Variants in TIAM1 observed in about 807,000 individuals in gnomAD.
TIAM1 encodes the protein rho guanine nucleotide exchange factor TIAM1.
TIAM1 carries 65 observed loss-of-function variants against 163.5 expected under a neutral mutation model. The ratio of observed to expected loss-of-function variants is 0.40; its 90% CI spans 0.33 to 0.49. The LOEUF is 0.49. TIAM1 is among the 20% of genes least tolerant of loss of function. The probability of loss-of-function intolerance (pLI) is 0.77; values close to 1 mark genes in which losing one functional copy is unlikely to be tolerated. For missense variants in TIAM1, 1,789 were observed against 2,044.7 expected (o/e 0.87, Z 2.41); for synonymous variants, 833 against 810.1 (o/e 1.03, Z -0.48).
Position 31,120,271 on chromosome 21 carries a change from G to T in TIAM1, c.*97C>A. 1 of 1,274,152 alleles carries T rather than the reference G, an allele frequency of 7.8e-7. No individual in the cohort carries two copies. The highest frequency in any genetic ancestry group is 1.5e-5 in the African/African-American group (1 of 66,798). The allele number at this position is 1,274,152 out of a possible 1,614,324, so 78.9% of individuals were successfully genotyped here. A position where few individuals can be genotyped will look rare whatever the true frequency, so the allele number is the denominator to read the frequency against. On this transcript the variant is annotated 3_prime_UTR_variant, in exon 28 of 28. Transcript: ENST00000541036. The surrounding 1 kb of genome is among the most constrained non-coding windows in gnomAD (Gnocchi z 4.2). Reference sequence around the variant, plus strand: ...CTGCCAAAACCGTGTGTGCAAGAGCGCGACCTAAGGGGACATTCTTGTCGA... The same window carrying T: ...CTGCCAAAACCGTGTGTGCAAGAGCTCGACCTAAGGGGACATTCTTGTCGA...
At chr21:31,470,794 C>A (rs764532937) in intron 1 of TIAM1, among the ~76,000 whole-genome samples, 1 of 152,336 alleles carries the variant, frequency 6.6e-6, no homozygotes, top group African/African-American at 2.4e-5. Context: ...CAGCCACTGT[C>A]TCCCCAGGAG....
chr21:31,160,502 C>A, intron 16 of TIAM1: 1 of 398,664 alleles, frequency 2.5e-6, no homozygotes, highest in Non-Finnish European at 4.4e-6. Context: ...CAATCCTGGG[C>A]TTGCGCTTTA....
chr21:31,152,042 TTTTTTG>T (rs748115340), intron 19 of TIAM1, among the ~76,000 whole-genome samples: 1,943 of 80,948 alleles, frequency 0.024, 103 homozygotes, highest in African/African-American at 0.087. Context: ...TTTTTTTTTT[TTTTTTG>T]TAAGACGGAG....
chr21:31,172,010 C>A lies in TIAM1; in HGVS notation c.2888-6945G>T, dbSNP rs1049766487. Among the ~76,000 whole-genome samples, 12 of 152,318 alleles carry A rather than the reference C, an allele frequency of 7.9e-5. No homozygotes were observed. The South Asian group carries it at 2.5e-3, about 32-fold the overall frequency. On this transcript the variant is annotated intron_variant, in intron 15 of 27. Coordinates refer to ENST00000541036, the MANE Select transcript of TIAM1 (RefSeq NM_001353694.2). The stretch of plus-strand genomic sequence containing the variant: ...TAGCAGAACAACCAACCAGCTGAGT[C>A]TGGCCCAAACTGCTGAGCCACAGAA...
rs1360927752 is a variant in TIAM1 at position 31,187,041 on chromosome 21, G to A, written c.2622C>T (p.Tyr874=). 2.0e-5 allele frequency: 32 copies of A among 1,613,860 alleles called. No individual in the cohort carries two copies. Among genetic ancestry groups the A allele is most frequent in the Admixed American group, 3.3e-5 (2 of 59,984 alleles). The change falls in exon 14 of 28, where the codon TAC becomes TAT. Residue 874 remains tyrosine, a synonymous_variant. Coordinates refer to ENST00000541036, the MANE Select transcript of TIAM1 (RefSeq NM_001353694.2). The part of the protein sequence containing the change: ...SVEEDGIRRL[Y]VNSVKETGLA... ...AACCGGTTTCCTTCACACTATTCAC[G>A]TACAGCCTTCGAATACCATCTTCTT...
rs192329584 is a variant in TIAM1, at chr21:31,171,494, A to C, written c.2888-6429T>G. Among the ~76,000 whole-genome samples the C allele has an allele frequency of 1.1e-3, 160 of 152,354 alleles. 1 individual carries two copies. The highest frequency in any genetic ancestry group is 7.3e-3 in the East Asian group (38 of 5,186). On this transcript the variant is annotated intron_variant, in intron 15 of 27. Coordinates refer to ENST00000541036, the MANE Select transcript of TIAM1 (RefSeq NM_001353694.2). ...ACAAAATGTTAACATCTAAAATATA[A>C]AAGAACTCTTACAAATCAATAATTG...
chr21:31,482,005 C>T (rs6517040), intron 1 of TIAM1, among the ~76,000 whole-genome samples: 108,518 of 151,344 alleles, frequency 0.72, 39,810 homozygotes, highest in African/African-American at 0.84. Context: ...AAAGACATTC[C>T]ATCGCTCCAG....
At chr21:31,352,542 C>A (rs1302868541) in intron 2 of TIAM1, among the ~76,000 whole-genome samples, 1 of 122,796 alleles carries the variant, frequency 8.1e-6, no homozygotes, top group African/African-American at 3.1e-5. Context: ...ATATATGTAG[C>A]TTTAAAAAAA....
At chr21:31,171,937 A>G (rs2084531558) in intron 15 of TIAM1, among the ~76,000 whole-genome samples, 1 of 152,200 alleles carries the variant, frequency 6.6e-6, no homozygotes. Flanking sequence ...CTCCAGCCCC[A>G]GTCAGACCAC....
chr21:31,178,303 CTTTTTTTTTTTTTT>C lies in TIAM1; in HGVS notation c.2887+4104_2887+4117del, dbSNP rs10671534. ...CTACTTGACCAAGTATTCAGGAATT[CTTTTTTTTTTTTTT>C]TTTTTTTTTGAGACGGAGTCTCGCT... On this transcript the variant is annotated intron_variant, in intron 15 of 27. Transcript: ENST00000541036. Among the ~76,000 whole-genome samples, 7 of 96,162 alleles carry C rather than the reference CTTTTTTTTTTTTTT, an allele frequency of 7.3e-5. No homozygotes were observed. In the East Asian group the frequency reaches 2.6e-3, roughly 36 times the overall value. 63.1% of individuals were successfully genotyped at this position (96,162 alleles called of 152,430 possible).
At chr21:31,455,112 T>A (rs1720886077) in intron 2 of TIAM1, among the ~76,000 whole-genome samples, 1 of 151,840 alleles carries the variant, frequency 6.6e-6, no homozygotes, top group South Asian at 2.1e-4. Context: ...GAAACCCGTT[T>A]CTACTAAAAA....
chr21:31,255,292 C>T (rs899785180), intron 4 of TIAM1, among the ~76,000 whole-genome samples: 11 of 152,214 alleles, frequency 7.2e-5, no homozygotes, highest in Admixed American at 2.0e-4. Flanking sequence ...CATGCCCCCA[C>T]TGATATGTGA....
chr21:31,226,126 T>C (rs1324913051), intron 6 of TIAM1, among the ~76,000 whole-genome samples, 176 bp from the exon 7 acceptor site: 1 of 151,964 alleles, frequency 6.6e-6, no homozygotes, highest in Non-Finnish European at 1.5e-5. Context: ...AAAAAGTGAG[T>C]CTCAGGTCAG....
intron 2 of TIAM1, among the ~76,000 whole-genome samples, chr21:31,431,947 T>C (rs1467892018): frequency 6.6e-6 from 1 of 152,192 alleles, no homozygotes; most frequent in African/African-American, 2.4e-5. Flanking sequence ...TCCTTTCCCA[T>C]ACACATGGCT....
chr21:31,473,409 G>A (rs1396116768), intron 1 of TIAM1, among the ~76,000 whole-genome samples: 6 of 127,414 alleles, frequency 4.7e-5, no homozygotes, highest in African/African-American at 1.5e-4. Flanking sequence ...TAGGCTGGGG[G>A]ACAGATCAAG....
intron 14 of TIAM1, 115 bp downstream of exon 14, chr21:31,186,886 A>AG (rs1395886958): frequency 6.4e-5 from 56 of 878,630 alleles, no homozygotes; most frequent in Non-Finnish European, 9.2e-5. Flanking sequence ...CAATGAGAAA[A>AG]TGTTCAAATA....
chr21:31,190,141 A>G, intron 13 of TIAM1, among the ~76,000 whole-genome samples: 1 of 152,312 alleles, frequency 6.6e-6, no homozygotes, highest in Non-Finnish European at 1.5e-5. Flanking sequence ...GTGGTGGCTC[A>G]TGCCTATAAT....
At chr21:31,204,347 TGATA>T (rs2086348594) in intron 11 of TIAM1, among the ~76,000 whole-genome samples, 1 of 152,156 alleles carries the variant, frequency 6.6e-6, no homozygotes, top group East Asian at 1.9e-4. Context: ...AGATGCTAGG[TGATA>T]GATACATGAG....
chr21:31,524,518 T>G (rs1410900336), intron 1 of TIAM1, among the ~76,000 whole-genome samples: 1 of 152,202 alleles, frequency 6.6e-6, no homozygotes, highest in Non-Finnish European at 1.5e-5. Flanking sequence ...TCCCAGAACC[T>G]GGACTCAAAA....
Sources: allele counts gnomAD v4.1 joint callset (sites outside exome capture counted in the v4.1 genomes callset), GRCh38; gene constraint gnomAD v4.1.1; non-coding constraint Gnocchi (gnomAD v3.1); transcripts MANE v1.5; gene names NCBI Gene and HGNC (gene_info 2026-07-23, HGNC 2026-07-21).